MRPL13: variants seen among roughly 807,000 people sequenced by gnomAD.
MRPL13 encodes the protein mitochondrial ribosomal protein L13, also known as large ribosomal subunit protein uL13m.
A neutral mutation model predicts 29.0 loss-of-function variants in MRPL13; 33 were observed. The ratio of observed to expected loss-of-function variants is 1.14; its 90% CI spans 0.86 to 1.52. MRPL13 has a LOEUF of 1.52. Among genes scored for constraint, MRPL13 ranks in the 40% most tolerant of loss-of-function variants. The probability of loss-of-function intolerance (pLI) is 0.00; values close to 1 mark genes in which losing one functional copy is unlikely to be tolerated. For synonymous variants in MRPL13, 77 were observed against 68.4 expected (o/e 1.13, Z -0.62); for missense variants, 227 against 216.7 (o/e 1.05, Z -0.30).
chr8:120,418,080 C>A (rs539100660), intron 5 of MRPL13, among the ~76,000 whole-genome samples: 1 of 152,138 alleles, frequency 6.6e-6, no homozygotes, highest in African/African-American at 2.4e-5. Context: ...CAAAAAGTAG[C>A]GCACATAAAT....
intron 5 of MRPL13, among the ~76,000 whole-genome samples, chr8:120,418,081 G>A (rs1450768502): frequency 1.3e-5 from 2 of 152,064 alleles, no homozygotes; most frequent in South Asian, 2.1e-4. Flanking sequence ...AAAAAGTAGC[G>A]CACATAAATA....
At chr8:120,440,608 CA>C (rs1201388855) in intron 2 of MRPL13, among the ~76,000 whole-genome samples, 5 of 125,292 alleles carry the variant, frequency 4.0e-5, no homozygotes, top group African/African-American at 9.2e-5. Context: ...CTCTCTCTCT[CA>C]AAAAAAAAAA....
At chr8:120,396,385 T>C (rs1214908146) in intron 6 of MRPL13, among the ~76,000 whole-genome samples, 2 of 152,190 alleles carry the variant, frequency 1.3e-5, no homozygotes, top group African/African-American at 4.8e-5. Flanking sequence ...ATTTAGTAAC[T>C]TAATAATTTG....
intron 2 of MRPL13, among the ~76,000 whole-genome samples, chr8:120,433,848 T>C (rs760318508): frequency 6.6e-6 from 1 of 152,134 alleles, no homozygotes. Context: ...TAAATACATA[T>C]AGTTTCATTT....
At position 120,405,045 on chromosome 8, in the gene MRPL13, TA is replaced by T. The variant is rs556898168; in HGVS notation, c.516-8921del. Among the ~76,000 whole-genome samples, 6 of 152,134 alleles carry T rather than the reference TA, an allele frequency of 3.9e-5. No homozygotes were observed. The South Asian group carries it at 6.2e-4, about 16-fold the overall frequency. On this transcript the variant is annotated intron_variant, in intron 6 of 6. Coordinates refer to ENST00000306185, the MANE Select transcript of MRPL13 (RefSeq NM_014078.6). ...CTTCATGTGCAAATTCATCTTTAAA[TA>T]ATCGGGATATTTTCCAGATGGTTAA...
intron 3 of MRPL13, among the ~76,000 whole-genome samples, chr8:120,429,664 T>C (rs1426430647): frequency 6.6e-6 from 1 of 152,106 alleles, no homozygotes; most frequent in East Asian, 1.9e-4. Flanking sequence ...CTCTGAGAAT[T>C]TTCTATTAAG....
chr8:120,435,148 T>C (rs1476229091), intron 2 of MRPL13, among the ~76,000 whole-genome samples: 1 of 152,162 alleles, frequency 6.6e-6, no homozygotes. Context: ...ATTACATACT[T>C]ACTAATGCCA....
chr8:120,397,644 C>A (rs974055063), intron 6 of MRPL13, among the ~76,000 whole-genome samples: 2 of 152,178 alleles, frequency 1.3e-5, no homozygotes, highest in African/African-American at 4.8e-5. Context: ...ATCCATCCCT[C>A]CTCACTGGGT....
At chr8:120,443,112 G>A (rs972699702) in intron 2 of MRPL13, 73 bp downstream of exon 2, 4 of 1,329,914 alleles carry the variant, frequency 3.0e-6, no homozygotes, top group Non-Finnish European at 3.9e-6. Flanking sequence ...ACTCAGCCCT[G>A]TTAAACTTCA....
intron 5 of MRPL13, chr8:120,414,617 TAA>T (rs1382532109): frequency 6.6e-6 from 1 of 152,234 alleles, no homozygotes; most frequent in African/African-American, 2.4e-5. Context: ...TTATAATTTT[TAA>T]AAAGTCACCT....
intron 6 of MRPL13, among the ~76,000 whole-genome samples, chr8:120,408,753 G>A (rs1328239268): frequency 6.6e-6 from 1 of 152,080 alleles, no homozygotes; most frequent in Non-Finnish European, 1.5e-5. Context: ...TTTTATAAAG[G>A]CATAGGTAAA....
intron 6 of MRPL13, among the ~76,000 whole-genome samples, chr8:120,410,941 G>GT (rs370057124): frequency 4.6e-4 from 70 of 151,576 alleles, no homozygotes; most frequent in African/African-American, 1.4e-3. Context: ...TATCCGGCTA[G>GT]TTTTTTTTGT....
At chr8:120,418,420 T>G (rs1812830493) in intron 5 of MRPL13, among the ~76,000 whole-genome samples, 1 of 152,080 alleles carries the variant, frequency 6.6e-6, no homozygotes, top group Admixed American at 6.5e-5. Flanking sequence ...TGTATTTTCA[T>G]TATATGTTAC....
At chr8:120,424,413 G>A (rs1812908081) in intron 4 of MRPL13, among the ~76,000 whole-genome samples, 1 of 152,082 alleles carries the variant, frequency 6.6e-6, no homozygotes, top group South Asian at 2.1e-4. Context: ...CTTGAGCCCA[G>A]GAATTTGAGT....
rs181266869 is a variant in MRPL13, at chr8:120,424,518, C to A, written c.306+788G>T. Among the ~76,000 whole-genome samples, 6 of 152,092 alleles carry A rather than the reference C, an allele frequency of 3.9e-5. No homozygotes were observed. The East Asian group carries it at 1.2e-3, about 29-fold the overall frequency. ...TGGTGGCTCTCGCCTGTAATCCCAG[C>A]ACTTGGGAGGCCGAGGTGGGAGGAT... On this transcript the variant is annotated intron_variant, in intron 4 of 6. Coordinates refer to ENST00000306185, the MANE Select transcript of MRPL13 (RefSeq NM_014078.6).
At position 120,395,585 on chromosome 8, in the gene MRPL13, T is replaced by A. The variant is rs12544060; in HGVS notation, c.*519A>T. The A allele has an allele frequency of 0.53, 81,097 of 152,746 alleles. 24,774 individuals are homozygous for A. Among genetic ancestry groups the A allele is most frequent in the Non-Finnish European group, 0.67 (46,207 of 68,630 alleles). The allele number at this position is 152,746 out of a possible 1,614,324, so 9.5% of individuals were successfully genotyped here. A position where few individuals can be genotyped will look rare whatever the true frequency, so the allele number is the denominator to read the frequency against. On this transcript the variant is annotated 3_prime_UTR_variant, in exon 7 of 7. Coordinates refer to ENST00000306185, the MANE Select transcript of MRPL13 (RefSeq NM_014078.6). ...GTCATTGTGGGGCCAAGAGGCTATA[T>A]GGGACACAGAAAAAGATAGCAGTTT...
intron 1 of MRPL13, chr8:120,444,806 C>T (rs2130493354): frequency 1.8e-6 from 1 of 560,012 alleles, no homozygotes; most frequent in East Asian, 3.0e-5. Flanking sequence ...TATTACCTCT[C>T]CGATCTGCTC....
At chr8:120,437,187 T>C (rs1409310620) in intron 2 of MRPL13, among the ~76,000 whole-genome samples, 4 of 152,166 alleles carry the variant, frequency 2.6e-5, no homozygotes, top group African/African-American at 9.6e-5. Context: ...ATATTAACAT[T>C]TGAAATACAT....
At chr8:120,409,828 T>C (rs1461235456) in intron 6 of MRPL13, among the ~76,000 whole-genome samples, 1 of 152,184 alleles carries the variant, frequency 6.6e-6, no homozygotes, top group Non-Finnish European at 1.5e-5. Context: ...GTCATAAATA[T>C]CAATTTCATT....
Sources: allele counts gnomAD v4.1 joint callset (sites outside exome capture counted in the v4.1 genomes callset), GRCh38; gene constraint gnomAD v4.1.1; transcripts MANE v1.5; gene names NCBI Gene and HGNC (gene_info 2026-07-23, HGNC 2026-07-21).